SGPP2: variants seen among roughly 807,000 people sequenced by gnomAD.
SGPP2 encodes sphingosine-1-phosphate phosphatase 2, also known as sphingosine 1-phosphate phosphohydrolase 2.
Under a neutral mutation model 33.9 loss-of-function variants are expected in SGPP2, and 30 were observed. The ratio of observed to expected loss-of-function variants is 0.89; its 90% CI spans 0.66 to 1.20. The LOEUF (loss-of-function observed/expected upper bound fraction) is 1.20. Ranked by LOEUF, SGPP2 falls within the 50% of genes most tolerant of loss-of-function variation. The pLI, the probability that SGPP2 is intolerant of heterozygous loss-of-function variation, is 0.00. For synonymous variants in SGPP2, 233 were observed against 225.0 expected, an observed-to-expected ratio of 1.04 and a Z score of -0.32; for missense variants, 458 against 532.1, an observed-to-expected ratio of 0.86 and a Z score of 1.37.
At chr2:222,471,315 T>C (rs1319678135) in intron 1 of SGPP2, among the ~76,000 whole-genome samples, 2 of 152,142 alleles carry the variant, frequency 1.3e-5, no homozygotes, top group African/African-American at 4.8e-5. Context: ...GAGGTAGAGC[T>C]GCTGGAACAA....
At position 222,476,923 on chromosome 2, in the gene SGPP2, G is replaced by GTGTATATAGGTGTGTATGTATGTATGTA. The variant is rs1697944573; in HGVS notation, c.378+2198_378+2199insGTATATAGGTGTGTATGTATGTATGTAT. On this transcript the variant is annotated intron_variant, in intron 2 of 4. Transcript: ENST00000321276. The surrounding 1 kb of genome is among the most constrained non-coding windows in gnomAD (Gnocchi z 4.3). ...TATGTATATAGATGTGTATATATGT[G>GTGTATATAGGTGTGTATGTATGTATGTA]TATTGGAGTATATAGGTGTGTATGT... Among the ~76,000 whole-genome samples, 1 of 151,484 alleles carries GTGTATATAGGTGTGTATGTATGTATGTA rather than the reference G, an allele frequency of 6.6e-6. No homozygotes were observed. The highest frequency in any genetic ancestry group is 1.5e-5 in the Non-Finnish European group (1 of 67,904).
At chr2:222,492,397 A>C (rs1340471862) in intron 2 of SGPP2, among the ~76,000 whole-genome samples, 1 of 152,260 alleles carries the variant, frequency 6.6e-6, no homozygotes, top group Non-Finnish European at 1.5e-5. Flanking sequence ...GCCCAACACC[A>C]TGTGGAAGCC....
At chr2:222,498,597 A>T (rs560536074) in intron 2 of SGPP2, among the ~76,000 whole-genome samples, 17 of 152,316 alleles carry the variant, frequency 1.1e-4, no homozygotes, top group Non-Finnish European at 2.2e-4. Flanking sequence ...TCAAAAAAAA[A>T]ATTTTTGAGC....
intron 2 of SGPP2, among the ~76,000 whole-genome samples, chr2:222,497,250 CTT>C (rs57363978): frequency 3.4e-5 from 4 of 118,544 alleles, no homozygotes; most frequent in African/African-American, 3.1e-5. Flanking sequence ...TCTCTTTCTT[CTT>C]TTTTTTTTTT....
In SGPP2 at chr2:222,438,742, A is replaced by G. The variant is rs367559810; in HGVS notation, c.219+13921A>G. Among the ~76,000 whole-genome samples, 61 of 152,364 alleles carry G rather than the reference A, an allele frequency of 4.0e-4. 1 individual carries two copies. The highest frequency in any genetic ancestry group is 1.4e-3 in the African/African-American group (57 of 41,600). On this transcript the variant is annotated intron_variant, in intron 1 of 4. Coordinates refer to ENST00000321276, the MANE Select transcript of SGPP2 (RefSeq NM_152386.4). ...TGCACAGGCCAAATGGGAAAGTTGA[A>G]TGGGAATGTGGTGGGAATCTCCAAC...
At position 222,493,632 on chromosome 2, in the gene SGPP2, A is replaced by G. The variant is rs556809159; in HGVS notation, c.378+18906A>G. 1.9e-4 allele frequency among the ~76,000 whole-genome samples: 29 copies of G among 152,340 alleles called. No individual in the cohort carries two copies. The South Asian group carries it at 5.0e-3, about 26-fold the overall frequency. ...ATTATAGCCATGAGCCACTGCACTC[A>G]GCCTAAATGTATTCTTAACTAAGTC... On this transcript the variant is annotated intron_variant, in intron 2 of 4. Coordinates refer to ENST00000321276, the MANE Select transcript of SGPP2 (RefSeq NM_152386.4).
At chr2:222,556,583 C>A (rs1364570485) in intron 4 of SGPP2, among the ~76,000 whole-genome samples, 1 of 110,970 alleles carries the variant, frequency 9.0e-6, no homozygotes, top group Non-Finnish European at 1.9e-5. Context: ...CACTCCTTGC[C>A]CATCCACTCT....
At chr2:222,468,010 G>C (rs1225721582) in intron 1 of SGPP2, among the ~76,000 whole-genome samples, 2 of 112,030 alleles carry the variant, frequency 1.8e-5, no homozygotes, top group Admixed American at 2.3e-4. Flanking sequence ...ATACAACCTT[G>C]CAATGACATT....
At chr2:222,507,297 A>C (rs2106122563) in intron 2 of SGPP2, among the ~76,000 whole-genome samples, 1 of 152,290 alleles carries the variant, frequency 6.6e-6, no homozygotes, top group East Asian at 1.9e-4. Context: ...GTCTTTGGTT[A>C]GTAATCAATC....
intron 2 of SGPP2, among the ~76,000 whole-genome samples, chr2:222,515,266 G>A (rs144415244): frequency 2.6e-5 from 4 of 152,022 alleles, no homozygotes; most frequent in African/African-American, 7.2e-5. Context: ...CTACAACATG[G>A]TGCCTCATCA....
chr2:222,462,884 A>T (rs922856731), intron 1 of SGPP2, among the ~76,000 whole-genome samples: 2 of 152,130 alleles, frequency 1.3e-5, no homozygotes, highest in African/African-American at 2.4e-5. Context: ...GCAGGGTCGG[A>T]GGAGGTAGTC....
At chr2:222,442,269 G>A (rs1367009644) in intron 1 of SGPP2, among the ~76,000 whole-genome samples, 4 of 152,060 alleles carry the variant, frequency 2.6e-5, no homozygotes, top group African/African-American at 9.7e-5. Flanking sequence ...ATTGTTGTAT[G>A]TCATTGTTTT....
At chr2:222,447,664 C>T (rs1382283992) in intron 1 of SGPP2, among the ~76,000 whole-genome samples, 3 of 152,198 alleles carry the variant, frequency 2.0e-5, no homozygotes, top group Non-Finnish European at 4.4e-5. Context: ...GTGAGAAGAA[C>T]TATGCTTTAC....
chr2:222,507,427 A>G (rs907103556), intron 2 of SGPP2, among the ~76,000 whole-genome samples: 1 of 152,224 alleles, frequency 6.6e-6, no homozygotes, highest in African/African-American at 2.4e-5. Flanking sequence ...AGAAAGTTGG[A>G]CCTGGCATGT....
At chr2:222,493,315 G>T (rs1698226715) in intron 2 of SGPP2, among the ~76,000 whole-genome samples, 1 of 152,220 alleles carries the variant, frequency 6.6e-6, no homozygotes, top group South Asian at 2.1e-4. Context: ...AAGGTGGCAG[G>T]TGAGAGAGAG....
chr2:222,500,324 G>C (rs1312661931), intron 2 of SGPP2, among the ~76,000 whole-genome samples: 1 of 152,088 alleles, frequency 6.6e-6, no homozygotes, highest in Non-Finnish European at 1.5e-5. Flanking sequence ...ACTTCCAGCT[G>C]GATGTCTCGT....
chr2:222,534,905 C>T (rs186248660), intron 4 of SGPP2, among the ~76,000 whole-genome samples: 72 of 152,192 alleles, frequency 4.7e-4, no homozygotes, highest in Non-Finnish European at 9.1e-4. Context: ...TTTTAAAAGA[C>T]AAAATAAATC....
chr2:222,471,722 C>A (rs1157132231), intron 1 of SGPP2, among the ~76,000 whole-genome samples: 3 of 152,154 alleles, frequency 2.0e-5, no homozygotes, highest in Non-Finnish European at 4.4e-5. Context: ...AAACAAAAAT[C>A]CAGATCTCTA....
intron 4 of SGPP2, among the ~76,000 whole-genome samples, chr2:222,556,637 TC>T (rs1689410025): frequency 4.0e-5 from 1 of 24,764 alleles, no homozygotes. Flanking sequence ...TCCCCCTCAC[TC>T]CTCCCCCACC....
Sources: gnomAD v4.1 joint callset for allele counts (sites outside exome capture counted in the v4.1 genomes callset) on GRCh38, gnomAD v4.1.1 for gene constraint, Gnocchi (gnomAD v3.1) non-coding constraint, MANE v1.5 for transcripts, NCBI Gene and HGNC (gene_info 2026-07-23, HGNC 2026-07-21) for gene names.